The following AKR1B15 variants were observed in gnomAD, a reference collection of about 807,000 sequenced individuals.
AKR1B15 encodes the protein aldo-keto reductase family 1 member B15.
A neutral mutation model predicts 38.5 loss-of-function variants in AKR1B15; 49 were observed. The ratio of observed to expected loss-of-function variants is 1.27; its 90% CI spans 1.01 to 1.62. The LOEUF is 1.62. Ranked by LOEUF, AKR1B15 falls within the 40% of genes most tolerant of loss-of-function variation. The pLI, the probability that AKR1B15 is intolerant of heterozygous loss-of-function variation, is 0.00. For missense variants in AKR1B15, 411 were observed against 381.6 expected (o/e 1.08, Z -0.64); for synonymous variants, 137 against 135.5 (o/e 1.01, Z -0.08).
At chr7:134,574,847 C>T (rs577579802) in intron 6 of AKR1B15, among the ~76,000 whole-genome samples, 6 of 152,314 alleles carry the variant, frequency 3.9e-5, no homozygotes, top group South Asian at 4.1e-4. Flanking sequence ...ACTCCGTGGC[C>T]GGGTGCCCCT....
intron 2 of AKR1B15, among the ~76,000 whole-genome samples, chr7:134,558,953 G>A (rs541244993): frequency 6.6e-6 from 1 of 152,052 alleles, no homozygotes; most frequent in South Asian, 2.1e-4. Context: ...CCTACCTAGT[G>A]CTCCTATGTA....
intron 2 of AKR1B15, among the ~76,000 whole-genome samples, chr7:134,559,190 G>C (rs1046202012): frequency 1.4e-4 from 21 of 152,026 alleles, no homozygotes; most frequent in Admixed American, 9.8e-4. Context: ...CCTTCAGTTT[G>C]ATGCCTGTTC....
Position 134,577,036 on chromosome 7 carries a change from A to T in AKR1B15, c.899A>T (p.Glu300Val), listed in dbSNP as rs777333854. 3 of 1,613,674 alleles carry T rather than the reference A, an allele frequency of 1.9e-6. No individual in the cohort carries two copies. In the East Asian group the frequency reaches 6.7e-5, roughly 36 times the overall value. Residue 300 changes from glutamate to valine, a missense_variant, in exon 10 of 12, where the codon GAG becomes GTG. Glu to Val is a moderately radical substitution (Grantham distance 121). This residue lies in a region of AKR1B15 where 133 missense variants were observed against 120.3 expected (regional missense o/e 1.11). Transcript: ENST00000457545. ...TCTATGACACCAGCACACATTGTTG[A>T]GAACATTCAGGTAAGTTTCCGGCTG... is the stretch of plus-strand genomic sequence containing the variant. ...PKSMTPAHIVENIQVFDFKLS... is the reference protein window; with the variant it reads ...PKSMTPAHIVVNIQVFDFKLS...
At chr7:134,558,495 G>A (rs1163547408) in intron 2 of AKR1B15, among the ~76,000 whole-genome samples, 1 of 152,178 alleles carries the variant, frequency 6.6e-6, no homozygotes, top group African/African-American at 2.4e-5. Context: ...ATGTCATTAA[G>A]AAGTTAGCAC....
intron 1 of AKR1B15, among the ~76,000 whole-genome samples, chr7:134,556,317 C>T (rs2117616768): frequency 6.6e-6 from 1 of 152,272 alleles, no homozygotes; most frequent in South Asian, 2.1e-4. Context: ...TCTCACCAAG[C>T]CTAAACTAGC....
chr7:134,560,288 A>G (rs1435105209), intron 2 of AKR1B15, among the ~76,000 whole-genome samples: 1 of 152,110 alleles, frequency 6.6e-6, no homozygotes, highest in African/African-American at 2.4e-5. Flanking sequence ...CTACCTATGA[A>G]CAAGCCCAAG....
At chr7:134,559,895 G>T (rs1313931706) in intron 2 of AKR1B15, among the ~76,000 whole-genome samples, 1 of 152,104 alleles carries the variant, frequency 6.6e-6, no homozygotes, top group African/African-American at 2.4e-5. Flanking sequence ...AGATCCCAAG[G>T]TCAGGAGATT....
chr7:134,569,391 C>A (rs1187936032), intron 4 of AKR1B15, 22 bp from the exon 5 acceptor site: 2 of 1,613,148 alleles, frequency 1.2e-6, no homozygotes, highest in South Asian at 2.2e-5. Flanking sequence ...GTATTACTAG[C>A]TCATTGCTAC....
chr7:134,579,623 C>T lies in AKR1B15; in HGVS notation c.*74C>T. 7.4e-7 allele frequency: 1 copy of T among 1,350,920 alleles called. No individual in the cohort carries two copies. Among genetic ancestry groups the T allele is most frequent in the Non-Finnish European group, 1.0e-6 (1 of 988,368 alleles). The allele number at this position is 1,350,920 out of a possible 1,614,324, so 83.7% of individuals were successfully genotyped here. A position where few individuals can be genotyped will look rare whatever the true frequency, so the allele number is the denominator to read the frequency against. On this transcript the variant is annotated 3_prime_UTR_variant, in exon 12 of 12. Transcript: ENST00000457545. ...AAGTGTGACTGTCTCCACTCAAGAA[C>T]TATTTTAGCCAAGCTTATCTGAGAT...
intron 11 of AKR1B15, 103 bp downstream of exon 11, chr7:134,577,889 C>T (rs1490872785): frequency 8.2e-6 from 11 of 1,341,298 alleles, no homozygotes; most frequent in Non-Finnish European, 1.1e-5. Context: ...CTTGTGTCTT[C>T]AAATACTATT....
At chr7:134,552,858 T>C (rs1250447077) in intron 1 of AKR1B15, among the ~76,000 whole-genome samples, 1 of 151,930 alleles carries the variant, frequency 6.6e-6, no homozygotes, top group Non-Finnish European at 1.5e-5. Flanking sequence ...TTTTAAAAAT[T>C]CCCCCACCCT....
In AKR1B15 at chr7:134,562,323, G is replaced by A. The variant is rs1024263589; in HGVS notation, c.-22-2275G>A. On this transcript the variant is annotated intron_variant, in intron 2 of 11. Coordinates refer to ENST00000457545, the MANE Select transcript of AKR1B15 (RefSeq NM_001080538.3). ...CCACATCCTGTAAGGGTACCTAAGC[G>A]GGTTGCCTAAGCGTTGCTGCTGGGG... Among the ~76,000 whole-genome samples, 6 of 152,204 alleles carry A rather than the reference G, an allele frequency of 3.9e-5. No homozygotes were observed. In the South Asian group the frequency reaches 6.2e-4, roughly 16 times the overall value.
At chr7:134,570,871 G>A (rs1794653930) in intron 5 of AKR1B15, among the ~76,000 whole-genome samples, 1 of 152,180 alleles carries the variant, frequency 6.6e-6, no homozygotes, top group Non-Finnish European at 1.5e-5. Flanking sequence ...CATGATTTCT[G>A]GCAGCCCAGA....
At chr7:134,550,115 C>A (rs1425307157) in intron 1 of AKR1B15, among the ~76,000 whole-genome samples, 1 of 152,168 alleles carries the variant, frequency 6.6e-6, no homozygotes. Flanking sequence ...CCAAAATAGC[C>A]ACCCTGCTGA....
chr7:134,571,746 T>G (rs1794674067), intron 6 of AKR1B15, 65 bp downstream of exon 6: 8 of 1,311,216 alleles, frequency 6.1e-6, no homozygotes, highest in East Asian at 2.3e-5. Flanking sequence ...AGATTCCCAT[T>G]GATATGAAAG....
intron 2 of AKR1B15, among the ~76,000 whole-genome samples, chr7:134,559,617 T>C (rs1794322515): frequency 6.6e-6 from 1 of 152,212 alleles, no homozygotes; most frequent in African/African-American, 2.4e-5. Flanking sequence ...TTCGTTCATT[T>C]TTCTTTGACA....
intron 6 of AKR1B15, among the ~76,000 whole-genome samples, chr7:134,572,497 G>A (rs966177019): frequency 2.0e-5 from 3 of 152,052 alleles, no homozygotes; most frequent in Non-Finnish European, 4.4e-5. Context: ...GTGTGGTGGT[G>A]TGTGCCTGGA....
intron 2 of AKR1B15, among the ~76,000 whole-genome samples, chr7:134,558,027 G>T (rs1794262192): frequency 6.6e-6 from 1 of 152,164 alleles, no homozygotes; most frequent in Admixed American, 6.5e-5. Flanking sequence ...ATAGGAAATG[G>T]ATATTATCAG....
chr7:134,573,311 G>A (rs1031959066), intron 6 of AKR1B15: 25 of 950,204 alleles, frequency 2.6e-5, no homozygotes, highest in African/African-American at 5.3e-5. Context: ...GATTACAGGC[G>A]TGAGCTATAG....
Sources: gnomAD v4.1 joint callset for allele counts (sites outside exome capture counted in the v4.1 genomes callset) on GRCh38, gnomAD v4.1.1 for gene constraint, gnomAD v4.1.1 regional missense constraint, MANE v1.5 for transcripts, NCBI Gene and HGNC (gene_info 2026-07-23, HGNC 2026-07-21) for gene names.